Variants in ARHGAP24 observed in about 807,000 individuals in gnomAD.
The protein encoded by ARHGAP24 is rho GTPase-activating protein 24.
A neutral mutation model predicts 76.4 loss-of-function variants in ARHGAP24; 50 were observed. The ratio of observed to expected loss-of-function variants is 0.65; its 90% CI spans 0.52 to 0.83. The LOEUF is 0.83. ARHGAP24 is among the 40% of genes least tolerant of loss of function. The pLI is 0.00. For synonymous variants in ARHGAP24, 345 were observed against 323.3 expected (o/e 1.07, Z -0.72); for missense variants, 930 against 914.2 (o/e 1.02, Z -0.22).
chr4:85,565,972 A>AACAGTTGT (rs1422911980), intron 1 of ARHGAP24, among the ~76,000 whole-genome samples: 1 of 152,176 alleles, frequency 6.6e-6, no homozygotes, highest in East Asian at 1.9e-4. Context: ...GAACCATACA[A>AACAGTTGT]ACAGTTGTTG....
chr4:85,890,367 G>A (rs759381532), intron 3 of ARHGAP24, among the ~76,000 whole-genome samples: 12 of 152,124 alleles, frequency 7.9e-5, no homozygotes, highest in Non-Finnish European at 1.6e-4. Flanking sequence ...ATTTTTGCTA[G>A]TGGCTCAGGA....
At chr4:85,956,524 G>A (rs1343647450) in intron 5 of ARHGAP24, among the ~76,000 whole-genome samples, 1 of 152,088 alleles carries the variant, frequency 6.6e-6, no homozygotes, top group Non-Finnish European at 1.5e-5. Flanking sequence ...TGGGGTTCTT[G>A]GCCTCACGGA....
intron 3 of ARHGAP24, among the ~76,000 whole-genome samples, chr4:85,881,783 C>CT (rs1241166972): frequency 1.3e-5 from 2 of 152,172 alleles, no homozygotes; most frequent in African/African-American, 4.8e-5. Context: ...GCTGCAGCTC[C>CT]TGTTCCCTTT....
chr4:85,722,625 T>G (rs1724996431), intron 3 of ARHGAP24: 1 of 155,138 alleles, frequency 6.4e-6, no homozygotes, highest in South Asian at 2.0e-4. Context: ...GTGAACCTGA[T>G]CTCCACTAAA....
intron 2 of ARHGAP24, among the ~76,000 whole-genome samples, chr4:85,661,732 T>C (rs1360893768): frequency 1.3e-5 from 2 of 151,842 alleles, no homozygotes. Flanking sequence ...GTGTTCTCAT[T>C]GTTGAATTCC....
At chr4:85,867,918 TAC>T (rs1449132352) in intron 3 of ARHGAP24, among the ~76,000 whole-genome samples, 4 of 79,372 alleles carry the variant, frequency 5.0e-5, no homozygotes, top group Non-Finnish European at 1.2e-4. Context: ...TACATATATG[TAC>T]ACACACACAA....
intron 2 of ARHGAP24, among the ~76,000 whole-genome samples, chr4:85,611,445 T>C (rs1442033688): frequency 6.6e-6 from 1 of 152,210 alleles, no homozygotes; most frequent in African/African-American, 2.4e-5. Context: ...ATGACAATTA[T>C]CCACTTAAGA....
At chr4:85,521,587 G>A (rs1242788712) in intron 1 of ARHGAP24, among the ~76,000 whole-genome samples, 1 of 152,030 alleles carries the variant, frequency 6.6e-6, no homozygotes, top group Admixed American at 6.6e-5. Context: ...TGTCATCACA[G>A]CTAATCCCCA....
intron 2 of ARHGAP24, among the ~76,000 whole-genome samples, chr4:85,614,502 A>G (rs534584002): frequency 6.6e-6 from 1 of 152,308 alleles, no homozygotes; most frequent in East Asian, 1.9e-4. Context: ...CCTATGTATT[A>G]TAATAGCTGC....
chr4:85,958,370 A>G (rs370135567), intron 5 of ARHGAP24, among the ~76,000 whole-genome samples: 1 of 152,158 alleles, frequency 6.6e-6, no homozygotes, highest in Non-Finnish European at 1.5e-5. Flanking sequence ...GAGTATGATG[A>G]TGGGGATAAT....
chr4:85,604,645 G>T (rs750984237), intron 2 of ARHGAP24, among the ~76,000 whole-genome samples: 57 of 152,200 alleles, frequency 3.7e-4, no homozygotes, highest in Admixed American at 2.4e-3. Context: ...AGTGCAGTGT[G>T]GCATGATCTC....
At position 85,506,262 on chromosome 4, in the gene ARHGAP24, C is replaced by G. The variant is rs997185879; in HGVS notation, c.-21+30703C>G. Reference sequence around the variant, plus strand: ...AGCTCAAACGCCATGCTGGGAGAACCACTGCTCTCTTCAGAACTGTCAGAC... The same window carrying G: ...AGCTCAAACGCCATGCTGGGAGAACGACTGCTCTCTTCAGAACTGTCAGAC... On this transcript the variant is annotated intron_variant, in intron 1 of 9. Transcript: ENST00000395184. Among the ~76,000 whole-genome samples the G allele has an allele frequency of 2.0e-5, 3 of 152,150 alleles. No individual in the cohort carries two copies. In the East Asian group the frequency reaches 5.8e-4, roughly 29 times the overall value.
chr4:85,498,713 T>A (rs545774058), intron 1 of ARHGAP24, among the ~76,000 whole-genome samples: 1 of 152,244 alleles, frequency 6.6e-6, no homozygotes, highest in Non-Finnish European at 1.5e-5. Flanking sequence ...GGAATCTAGA[T>A]TCTAACAGAT....
intron 3 of ARHGAP24, among the ~76,000 whole-genome samples, chr4:85,755,518 C>T (rs1276597390): frequency 6.6e-6 from 1 of 152,018 alleles, no homozygotes; most frequent in African/African-American, 2.4e-5. Flanking sequence ...ATGTTTTCTT[C>T]CTTAATTTTA....
At chr4:85,618,827 T>G (rs946219906) in intron 2 of ARHGAP24, among the ~76,000 whole-genome samples, 1 of 151,324 alleles carries the variant, frequency 6.6e-6, no homozygotes, top group Non-Finnish European at 1.5e-5. Context: ...TTGAGTAATT[T>G]GTTTTCTTTC....
At chr4:85,495,240 C>T (rs1025385159) in intron 1 of ARHGAP24, among the ~76,000 whole-genome samples, 8 of 151,712 alleles carry the variant, frequency 5.3e-5, no homozygotes, top group African/African-American at 7.3e-5. Flanking sequence ...GATTTGTTTC[C>T]GGGTTTCAGC....
intron 8 of ARHGAP24, among the ~76,000 whole-genome samples, chr4:85,985,941 T>C (rs539833100): frequency 9.2e-5 from 14 of 152,244 alleles, no homozygotes; most frequent in African/African-American, 3.4e-4. Context: ...ACTGCACCAG[T>C]TGGAAAATGA....
At chr4:85,695,004 G>T (rs1404656569) in intron 2 of ARHGAP24, among the ~76,000 whole-genome samples, 4 of 152,188 alleles carry the variant, frequency 2.6e-5, no homozygotes, top group African/African-American at 9.7e-5. Flanking sequence ...AACAATTAAA[G>T]TGGAGGTAAA....
At chr4:85,842,008 C>T (rs895811854) in intron 3 of ARHGAP24, among the ~76,000 whole-genome samples, 5 of 152,092 alleles carry the variant, frequency 3.3e-5, no homozygotes, top group African/African-American at 4.8e-5. Context: ...GCCTCTCAAA[C>T]TGTTGAATAT....
Sources: allele counts gnomAD v4.1 joint callset (sites outside exome capture counted in the v4.1 genomes callset), GRCh38; gene constraint gnomAD v4.1.1; transcripts MANE v1.5; gene names NCBI Gene and HGNC (gene_info 2026-07-23, HGNC 2026-07-21).